Variants in MSRA observed in about 807,000 individuals in gnomAD.
MSRA encodes methionine sulfoxide reductase A, also known as mitochondrial peptide methionine sulfoxide reductase.
A neutral mutation model predicts 31.3 loss-of-function variants in MSRA; 54 were observed. That is an observed-to-expected ratio of 1.73 (90% CI 1.39 to 2.17). MSRA has a LOEUF of 2.17. MSRA is among the 30% of genes most tolerant of loss of function. MSRA has a pLI of 0.00. For missense variants in MSRA, 507 were observed against 300.9 expected (o/e 1.69, Z -5.07); for synonymous variants, 169 against 116.5 (o/e 1.45, Z -2.90).
chr8:10,414,257 C>T lies in MSRA; in HGVS notation c.544-13891C>T, dbSNP rs1303672706. Among the ~76,000 whole-genome samples, 3 of 152,170 alleles carry T rather than the reference C, an allele frequency of 2.0e-5. No homozygotes were observed. The East Asian group carries it at 5.8e-4, about 29-fold the overall frequency. On this transcript the variant is annotated intron_variant, in intron 5 of 5. Transcript: ENST00000317173. The stretch of plus-strand genomic sequence containing the variant: ...GGGCAAGAGCACAGTTTAGAAAAGG[C>T]TCTGGAAGACACAGTCCCAAGAGAC...
At chr8:10,054,741 G>A (rs1802217313) in intron 1 of MSRA, 83 bp downstream of exon 1, 4 of 1,349,094 alleles carry the variant, frequency 3.0e-6, no homozygotes, top group Non-Finnish European at 2.9e-6. Flanking sequence ...CCGCTGCCCG[G>A]AAGGAAGCCG....
At chr8:10,354,756 A>G (rs868470880) in intron 5 of MSRA, among the ~76,000 whole-genome samples, 46 of 142,734 alleles carry the variant, frequency 3.2e-4, no homozygotes, top group East Asian at 5.9e-4. Flanking sequence ...GTGTGTATAT[A>G]TATATATATA....
chr8:10,226,560 C>T (rs1010173512), intron 2 of MSRA, among the ~76,000 whole-genome samples: 1 of 152,176 alleles, frequency 6.6e-6, no homozygotes, highest in African/African-American at 2.4e-5. Flanking sequence ...AGATCTCCTA[C>T]CCACTCTAGT....
chr8:10,301,930 T>G (rs1164283174), intron 4 of MSRA, among the ~76,000 whole-genome samples: 2 of 152,218 alleles, frequency 1.3e-5, no homozygotes, highest in Non-Finnish European at 2.9e-5. Context: ...TATTGCATTA[T>G]TCCTCCTTAA....
chr8:10,359,500 T>A (rs1804711628), intron 5 of MSRA, among the ~76,000 whole-genome samples: 1 of 152,216 alleles, frequency 6.6e-6, no homozygotes, highest in Non-Finnish European at 1.5e-5. Context: ...TTGGTCCATC[T>A]TTTTGGCATG....
At chr8:10,267,713 C>T (rs1309428662) in intron 3 of MSRA, among the ~76,000 whole-genome samples, 2 of 152,110 alleles carry the variant, frequency 1.3e-5, no homozygotes, top group Non-Finnish European at 2.9e-5. Flanking sequence ...AGGAATGAGT[C>T]ACTTAGTCTC....
chr8:10,080,962 G>C (rs57559962), intron 1 of MSRA, among the ~76,000 whole-genome samples: 1 of 152,254 alleles, frequency 6.6e-6, no homozygotes, highest in Non-Finnish European at 1.5e-5. Flanking sequence ...GCATAGTCCA[G>C]ATAAACTGTC....
intron 1 of MSRA, among the ~76,000 whole-genome samples, chr8:10,091,100 G>A (rs369957996): frequency 4.1e-4 from 63 of 152,204 alleles, no homozygotes; most frequent in African/African-American, 1.5e-3. Context: ...TTTATATGTT[G>A]GACTGGTCTT....
intron 3 of MSRA, among the ~76,000 whole-genome samples, chr8:10,296,482 C>A (rs891323544): frequency 7.9e-5 from 12 of 152,130 alleles, no homozygotes; most frequent in African/African-American, 2.2e-4. Context: ...AAGTAGGACA[C>A]CCGGGATCAC....
At chr8:10,312,630 A>G (rs571047188) in intron 4 of MSRA, among the ~76,000 whole-genome samples, 9 of 152,346 alleles carry the variant, frequency 5.9e-5, no homozygotes, top group Admixed American at 3.3e-4. Flanking sequence ...ACTTATGACT[A>G]TATTTGCAGA....
At chr8:10,088,737 G>GA (rs1211071786) in intron 1 of MSRA, among the ~76,000 whole-genome samples, 6 of 148,544 alleles carry the variant, frequency 4.0e-5, no homozygotes, top group East Asian at 4.0e-4. Context: ...CTTCATCTCA[G>GA]AAAAAAAAAG....
chr8:10,358,151 A>G (rs1365289588), intron 5 of MSRA, among the ~76,000 whole-genome samples: 1 of 152,080 alleles, frequency 6.6e-6, no homozygotes, highest in Non-Finnish European at 1.5e-5. Flanking sequence ...CTGGTCTCAA[A>G]TTCCTGCCCC....
intron 5 of MSRA, chr8:10,337,818 T>G (rs1387691382): frequency 1.4e-6 from 1 of 702,558 alleles, no homozygotes; most frequent in Admixed American, 2.0e-5. Context: ...AGCAATATTA[T>G]TAGTATGCAG....
At chr8:10,120,942 A>T (rs1042434090) in intron 1 of MSRA, among the ~76,000 whole-genome samples, 1 of 152,228 alleles carries the variant, frequency 6.6e-6, no homozygotes, top group Non-Finnish European at 1.5e-5. Flanking sequence ...TAGTAATTAA[A>T]TTTATACAAT....
At chr8:10,127,596 T>A (rs1801593622) in intron 1 of MSRA, among the ~76,000 whole-genome samples, 1 of 152,214 alleles carries the variant, frequency 6.6e-6, no homozygotes, top group African/African-American at 2.4e-5. Flanking sequence ...ATTAATGTTT[T>A]CCAGAGATCC....
intron 1 of MSRA, among the ~76,000 whole-genome samples, chr8:10,110,943 C>T (rs1450893816): frequency 1.3e-5 from 2 of 152,142 alleles, no homozygotes; most frequent in African/African-American, 4.8e-5. Flanking sequence ...TCCAGTCTAG[C>T]AATTTCTTTA....
chr8:10,196,588 C>T (rs367676501), intron 1 of MSRA, among the ~76,000 whole-genome samples: 11 of 152,220 alleles, frequency 7.2e-5, no homozygotes, highest in African/African-American at 2.2e-4. Context: ...ATCGCTCTGT[C>T]ACCCAGGCTG....
rs142816795 is a variant in MSRA at position 10,236,045 on chromosome 8, G to C, written c.212-9059G>C. ...GGAGGGAGAACATATGATCATCTCAGAAGAAAGCATGCATTGTTAATATTC... is the reference window on the plus strand; with the variant it reads ...GGAGGGAGAACATATGATCATCTCACAAGAAAGCATGCATTGTTAATATTC... On this transcript the variant is annotated intron_variant, in intron 2 of 5. Transcript: ENST00000317173. 2.1e-3 allele frequency among the ~76,000 whole-genome samples: 324 copies of C among 152,272 alleles called. 2 individuals carry two copies. The highest frequency in any genetic ancestry group is 7.0e-3 in the African/African-American group (289 of 41,562).
At chr8:10,363,785 G>GGTT (rs961853112) in intron 5 of MSRA, among the ~76,000 whole-genome samples, 9 of 25,308 alleles carry the variant, frequency 3.6e-4, no homozygotes, top group Non-Finnish European at 1.2e-3. Context: ...CACACTAGCT[G>GGTT]GTTGTTGTGG....
Sources: allele counts gnomAD v4.1 joint callset (sites outside exome capture counted in the v4.1 genomes callset), GRCh38; gene constraint gnomAD v4.1.1; transcripts MANE v1.5; gene names NCBI Gene and HGNC (gene_info 2026-07-23, HGNC 2026-07-21).